The following GLT6D1 variants were observed in gnomAD, a reference collection of about 807,000 sequenced individuals.
GLT6D1 encodes glycosyltransferase 6 domain containing 1.
GLT6D1 carries 9 observed loss-of-function variants against 12.3 expected under a neutral mutation model. That is an observed-to-expected ratio of 0.73 (90% CI 0.44 to 1.27). GLT6D1 has a LOEUF of 1.27. Ranked by LOEUF, GLT6D1 falls within the 50% of genes most tolerant of loss-of-function variation. The pLI, the probability that GLT6D1 is intolerant of heterozygous loss-of-function variation, is 0.00. For missense variants in GLT6D1, 335 were observed against 346.2 expected (o/e 0.97, Z 0.26); for synonymous variants, 128 against 132.3 (o/e 0.97, Z 0.23).
intron 2 of GLT6D1, among the ~76,000 whole-genome samples, chr9:135,637,184 C>T (rs1226578048): frequency 6.6e-6 from 1 of 151,430 alleles, no homozygotes; most frequent in Non-Finnish European, 1.5e-5. Context: ...GGTGTTATTC[C>T]GTTGCACAGA....
At chr9:135,624,787 T>G in intron 4 of GLT6D1, 117 bp from the exon 5 acceptor site, 1 of 634,894 alleles carries the variant, frequency 1.6e-6, no homozygotes, top group Admixed American at 3.9e-5. Flanking sequence ...TGGAGTGCAG[T>G]GGCGTGATCT....
rs779972331 is a variant in GLT6D1 at position 135,624,534 on chromosome 9, A to C, written c.394T>G (p.Phe132Val). 7 of 1,613,946 alleles carry C rather than the reference A, an allele frequency of 4.3e-6. No individual in the cohort carries two copies. The South Asian group carries it at 6.6e-5, about 15-fold the overall frequency. The change falls in exon 5 of 5, where the codon TTC (phenylalanine) becomes GTC (valine). Residue 132 changes from phenylalanine (F) to valine (V), a missense_variant. By Grantham distance (50) the Phe-to-Val change is conservative. Coordinates refer to ENST00000371763, the MANE Select transcript of GLT6D1 (RefSeq NM_182974.3). ...TCGGTGCCCACTTTAAATGCTTTGA[A>C]CGTTCGAAGAGGACTGGGCTCTATG... ...PDIEPSPLRT[F>V]KAFKVGTERW...
intron 1 of GLT6D1, 27 bp downstream of exon 1, chr9:135,639,266 G>A: frequency 2.5e-6 from 2 of 807,818 alleles, no homozygotes; most frequent in Non-Finnish European, 2.1e-6. Context: ...CTAACAATGG[G>A]TTAATGTATG....
chr9:135,624,294 G>A lies in GLT6D1; in HGVS notation c.634C>T (p.Pro212Ser), dbSNP rs761965391. Reference protein sequence around the residue: ...NTKNFPYERRPTSAACIPFGQ... With the variant: ...NTKNFPYERRSTSAACIPFGQ... ...AACGGGATGCAAGCTGCTGAGGTCG[G>A]CCTCCTCTCATAAGGGAAGTTCTTG... Residue 212 changes from proline (P) to serine (S), a missense_variant, in exon 5 of 5, where the codon CCG becomes TCG. Transcript: ENST00000371763. The A allele has an allele frequency of 6.2e-7, 1 of 1,605,312 alleles. No homozygotes were observed. Among genetic ancestry groups the A allele is most frequent in the South Asian group, 1.1e-5 (1 of 89,704 alleles).
chr9:135,629,268 C>A (rs1833584248), intron 3 of GLT6D1, among the ~76,000 whole-genome samples: 1 of 152,106 alleles, frequency 6.6e-6, no homozygotes, highest in Non-Finnish European at 1.5e-5. Context: ...CTATAAATTT[C>A]TCAGTAAGCA....
chr9:135,634,667 G>A (rs138852115), intron 2 of GLT6D1, among the ~76,000 whole-genome samples: 31 of 151,752 alleles, frequency 2.0e-4, no homozygotes, highest in African/African-American at 7.0e-4. Flanking sequence ...TATTGTTAAC[G>A]AGAGTCCATA....
In GLT6D1 at chr9:135,626,088, C is replaced by G. The variant is rs752730027; in HGVS notation, c.238G>C (p.Ala80Pro). The G allele has an allele frequency of 7.4e-6, 12 of 1,613,930 alleles. No homozygotes were observed. The East Asian group carries it at 2.7e-4, about 36-fold the overall frequency. Residue 80 changes from alanine to proline, a missense_variant, in exon 4 of 5, where the codon GCC becomes CCC. By Grantham distance (27) the Ala-to-Pro change is conservative (BLOSUM62 -1). Coordinates refer to ENST00000371763, the MANE Select transcript of GLT6D1 (RefSeq NM_182974.3). Reference protein sequence around the residue: ...YRRRNITVGLAVFATGRFAEE... With the variant: ...YRRRNITVGLPVFATGRFAEE... ...ACCTACCTGCCAGTAGCAAAGACGGCCAGGCCCACAGTGATATTCCGCCTT... is the reference window on the plus strand; with the variant it reads ...ACCTACCTGCCAGTAGCAAAGACGGGCAGGCCCACAGTGATATTCCGCCTT...
At position 135,624,453 on chromosome 9, in the gene GLT6D1, C is replaced by T. The variant is rs200843676; in HGVS notation, c.475G>A (p.Ala159Thr). 1.9e-5 allele frequency: 30 copies of T among 1,614,000 alleles called. No homozygotes were observed. The highest frequency in any genetic ancestry group is 1.6e-4 in the Middle Eastern group (1 of 6,084). Residue 159 changes from alanine (A) to threonine (T), a missense_variant, in exon 5 of 5, where the codon GCC becomes ACC. By Grantham distance (58) the Ala-to-Thr change is moderately conservative (BLOSUM62 0). Coordinates refer to ENST00000371763, the MANE Select transcript of GLT6D1 (RefSeq NM_182974.3). ...TCCACCTCGTCCTGGATGTGACTGGCGATGTGTTCACCCAGGCTCTTCACA... is the reference window on the plus strand; with the variant it reads ...TCCACCTCGTCCTGGATGTGACTGGTGATGTGTTCACCCAGGCTCTTCACA... Reference protein sequence around the residue: ...VHVKSLGEHIASHIQDEVDFL... With the variant: ...VHVKSLGEHITSHIQDEVDFL...
At chr9:135,628,215 G>T (rs1379445559) in intron 3 of GLT6D1, among the ~76,000 whole-genome samples, 2 of 151,820 alleles carry the variant, frequency 1.3e-5, no homozygotes, top group Non-Finnish European at 2.9e-5. Context: ...ATTTTTTATT[G>T]TTGTTGTACT....
At chr9:135,628,671 G>A (rs753734115) in intron 3 of GLT6D1, among the ~76,000 whole-genome samples, 5 of 151,970 alleles carry the variant, frequency 3.3e-5, no homozygotes, top group Non-Finnish European at 5.9e-5. Context: ...TTCTTCTTTA[G>A]CATTTGACAT....
chr9:135,626,522 C>T (rs991025605), intron 3 of GLT6D1, among the ~76,000 whole-genome samples: 3 of 152,214 alleles, frequency 2.0e-5, no homozygotes, highest in African/African-American at 4.8e-5. Flanking sequence ...CCTTTGAGCC[C>T]AGGAGCTGCC....
chr9:135,631,419 T>G lies in GLT6D1; in HGVS notation c.119+12A>C, dbSNP rs1188769972. The G allele has an allele frequency of 1.2e-6, 2 of 1,603,260 alleles. No individual in the cohort carries two copies. Among genetic ancestry groups the G allele is most frequent in the Admixed American group, 3.3e-5 (2 of 59,996 alleles). ...TTTGTGTGTGCATGTAAACAGGCAT[T>G]TTTGTTCTTACCTAGGATGAAACCA... On this transcript the variant is annotated intron_variant, in intron 3 of 4. Coordinates refer to ENST00000371763, the MANE Select transcript of GLT6D1 (RefSeq NM_182974.3).
intron 2 of GLT6D1, among the ~76,000 whole-genome samples, chr9:135,638,760 C>T (rs1237993669): frequency 1.3e-5 from 2 of 152,146 alleles, no homozygotes; most frequent in Non-Finnish European, 2.9e-5. Context: ...CTTTGTCCCA[C>T]AAAGAGAAAG....
At chr9:135,631,409 A>T in intron 3 of GLT6D1, 22 bp downstream of exon 3, 1 of 1,585,580 alleles carries the variant, frequency 6.3e-7, no homozygotes, top group South Asian at 1.1e-5. Flanking sequence ...GTGTGCATGT[A>T]AACAGGCATT....
chr9:135,633,100 AGG>A (rs1833685649), intron 2 of GLT6D1, among the ~76,000 whole-genome samples: 2 of 152,150 alleles, frequency 1.3e-5, no homozygotes, highest in Non-Finnish European at 2.9e-5. Context: ...TGGTGTCTTC[AGG>A]GATTAGAGCT....
chr9:135,640,673 T>G (rs1366126080), upstream of GLT6D1, among the ~76,000 whole-genome samples: 1 of 150,178 alleles, frequency 6.7e-6, no homozygotes, highest in East Asian at 2.0e-4. Flanking sequence ...TGAGCCAAGA[T>G]CGCACCACTG....
intron 2 of GLT6D1, among the ~76,000 whole-genome samples, chr9:135,638,145 C>T (rs1252802745): frequency 6.6e-6 from 1 of 152,108 alleles, no homozygotes; most frequent in Non-Finnish European, 1.5e-5. Context: ...ATGGCAGCGG[C>T]AAGAGAAAAT....
intron 2 of GLT6D1, among the ~76,000 whole-genome samples, chr9:135,634,693 C>G (rs1338606183): frequency 6.6e-6 from 1 of 151,732 alleles, no homozygotes; most frequent in African/African-American, 2.4e-5. Context: ...GTTGGATTTT[C>G]TTGTTTTCCC....
chr9:135,626,146 A>G lies in GLT6D1; in HGVS notation c.180T>C (p.Thr60=), dbSNP rs751370028. ...GTTTTTCCAGGACCCGCCTGTCGAAAGTCCCTTCCCATAGGACAGGAGCGA... is the reference window on the plus strand; with the variant it reads ...GTTTTTCCAGGACCCGCCTGTCGAAGGTCCCTTCCCATAGGACAGGAGCGA... ...DWLAPVLWEG[T]FDRRVLEKHY... The change falls in exon 4 of 5, where the codon ACT becomes ACC. Residue 60 remains threonine (T), a synonymous_variant. Coordinates refer to ENST00000371763, the MANE Select transcript of GLT6D1 (RefSeq NM_182974.3). 8.1e-6 allele frequency: 13 copies of G among 1,613,960 alleles called. No homozygotes were observed. Among genetic ancestry groups the G allele is most frequent in the Non-Finnish European group, 7.6e-6 (9 of 1,179,990 alleles).
Sources: gnomAD v4.1 joint callset for allele counts (sites outside exome capture counted in the v4.1 genomes callset) on GRCh38, gnomAD v4.1.1 for gene constraint, MANE v1.5 for transcripts, NCBI Gene and HGNC (gene_info 2026-07-23, HGNC 2026-07-21) for gene names.